The following DENND2B variants were observed in gnomAD, a reference collection of about 807,000 sequenced individuals.
The protein encoded by DENND2B is DENN domain containing 2B.
A neutral mutation model predicts 116.0 loss-of-function variants in DENND2B; 32 were observed. The observed-to-expected ratio is 0.28, with a 90% confidence interval of 0.21 to 0.37. The LOEUF is 0.37. DENND2B is among the 10% of genes least tolerant of loss of function. The pLI is 1.00. For synonymous variants in DENND2B, 588 were observed against 583.9 expected (o/e 1.01, Z -0.10); for missense variants, 1,276 against 1,477.7 (o/e 0.86, Z 2.24).
intron 1 of DENND2B, among the ~76,000 whole-genome samples, chr11:8,796,873 C>T (rs1221659062): frequency 6.6e-6 from 1 of 152,156 alleles, no homozygotes; most frequent in Non-Finnish European, 1.5e-5. Context: ...AGTCTTGCCA[C>T]AGCCCCACCC....
At chr11:8,807,096 GCTCGGAAGGGCTGCTGCCAGGC>G (rs1293671875) in intron 1 of DENND2B, among the ~76,000 whole-genome samples, 4 of 151,920 alleles carry the variant, frequency 2.6e-5, no homozygotes, top group African/African-American at 7.2e-5. Context: ...CCAAGCCAGG[GCTCGGAAGGGCTGCTGCCAGGC>G]CTCCTCCAGC....
intron 1 of DENND2B, among the ~76,000 whole-genome samples, chr11:8,890,973 G>T (rs1317041497): frequency 1.3e-5 from 2 of 152,190 alleles, no homozygotes; most frequent in East Asian, 3.8e-4. Flanking sequence ...AGGAAAAAAT[G>T]TTAAGGGCAG....
At chr11:8,774,024 T>C (rs2057298637) in intron 1 of DENND2B, 1 of 834,202 alleles carries the variant, frequency 1.2e-6, no homozygotes, top group African/African-American at 1.8e-5. Flanking sequence ...CTACCCTCTG[T>C]AAGCTTCAGT....
chr11:8,834,823 T>C (rs1341991464), intron 4 of DENND2B, among the ~76,000 whole-genome samples: 1 of 152,190 alleles, frequency 6.6e-6, no homozygotes, highest in Non-Finnish European at 1.5e-5. Context: ...ACACCAGACA[T>C]GGTAGCCAGA....
upstream of DENND2B, among the ~76,000 whole-genome samples, chr11:8,875,498 A>C (rs111511534): frequency 7.5e-4 from 114 of 151,308 alleles, 1 homozygote; most frequent in African/African-American, 2.7e-3. Context: ...TGGCACAATC[A>C]GAGCTCACTG....
chr11:8,892,124 C>T (rs2064041942), intron 1 of DENND2B, among the ~76,000 whole-genome samples: 1 of 152,132 alleles, frequency 6.6e-6, no homozygotes, highest in Non-Finnish European at 1.5e-5. Context: ...AACTGAACAA[C>T]CTGCTCCTGA....
At chr11:8,715,857 C>A in intron 5 of DENND2B, 39 bp from the exon 6 acceptor site, 1 of 1,551,498 alleles carries the variant, frequency 6.4e-7, no homozygotes, top group Non-Finnish European at 8.7e-7. Context: ...GGGCTTGCCA[C>A]AGAGGCCTTG....
chr11:8,893,876 T>C (rs1285556483), intron 1 of DENND2B, among the ~76,000 whole-genome samples: 1 of 152,006 alleles, frequency 6.6e-6, no homozygotes, highest in Non-Finnish European at 1.5e-5. Flanking sequence ...ACGACTTTCT[T>C]CACAGAATTG....
intron 4 of DENND2B, among the ~76,000 whole-genome samples, chr11:8,836,660 T>C (rs1594178126): frequency 6.6e-6 from 1 of 152,032 alleles, no homozygotes; most frequent in South Asian, 2.1e-4. Context: ...GACCTCATGA[T>C]CCACCCGCCT....
At chr11:8,774,093 G>A (rs887526531) in intron 1 of DENND2B, 2 of 984,446 alleles carry the variant, frequency 2.0e-6, no homozygotes, top group African/African-American at 3.5e-5. Flanking sequence ...TGTACAGATT[G>A]AGTAAGATAG....
chr11:8,750,189 G>A (rs1197052177), intron 2 of DENND2B, among the ~76,000 whole-genome samples: 1 of 152,114 alleles, frequency 6.6e-6, no homozygotes, highest in African/African-American at 2.4e-5. Flanking sequence ...CAAAATCCAC[G>A]GTTTCTCTAA....
intron 2 of DENND2B, among the ~76,000 whole-genome samples, chr11:8,869,883 C>T (rs1055622786): frequency 4.6e-5 from 7 of 151,962 alleles, no homozygotes; most frequent in Admixed American, 3.9e-4. Flanking sequence ...CTTGGATTAG[C>T]TTTCTGGACC....
intron 1 of DENND2B, among the ~76,000 whole-genome samples, chr11:8,781,168 G>C (rs1003545628): frequency 6.6e-6 from 1 of 152,214 alleles, no homozygotes; most frequent in South Asian, 2.1e-4. Flanking sequence ...TGGATTCTCA[G>C]TATGAATCCT....
At chr11:8,698,168 G>GT (rs1314163895) in intron 16 of DENND2B, among the ~76,000 whole-genome samples, 1 of 84,888 alleles carries the variant, frequency 1.2e-5, no homozygotes, top group South Asian at 4.0e-4. Context: ...AAAAAAAAAG[G>GT]GGGTAGAGCC....
chr11:8,736,568 G>A (rs1403800956), intron 2 of DENND2B, among the ~76,000 whole-genome samples: 3 of 152,274 alleles, frequency 2.0e-5, no homozygotes, highest in Admixed American at 6.5e-5. Context: ...ATGAGTTGCT[G>A]TTTTACATAG....
intron 3 of DENND2B, among the ~76,000 whole-genome samples, chr11:8,854,006 GC>G (rs71059186): frequency 1 from 137,876 of 138,006 alleles, 68,873 homozygotes; most frequent in Middle Eastern, 1. Flanking sequence ...ATGCCACCAT[GC>G]CCCAGTTAAT....
chr11:8,754,047 A>G (rs1265905272), intron 1 of DENND2B, among the ~76,000 whole-genome samples: 13 of 152,100 alleles, frequency 8.5e-5, no homozygotes, highest in Admixed American at 1.3e-4. Flanking sequence ...ACACACACAC[A>G]CACACACACA....
At chr11:8,722,681 G>A (rs1299135627) in intron 4 of DENND2B, among the ~76,000 whole-genome samples, 2 of 152,172 alleles carry the variant, frequency 1.3e-5, no homozygotes, top group Admixed American at 1.3e-4. Context: ...TCAGGTCCCA[G>A]AAATTCAGAT....
intron 4 of DENND2B, chr11:8,718,778 C>T (rs2045586936): frequency 2.0e-6 from 2 of 1,024,996 alleles, no homozygotes; most frequent in East Asian, 8.7e-5. Context: ...CAGAAAAGTC[C>T]AAAACAGAAT....
Sources: allele counts gnomAD v4.1 joint callset (sites outside exome capture counted in the v4.1 genomes callset), GRCh38; gene constraint gnomAD v4.1.1; transcripts MANE v1.5; gene names NCBI Gene and HGNC (gene_info 2026-07-23, HGNC 2026-07-21).